FGF1: variants seen among roughly 807,000 people sequenced by gnomAD.
FGF1 encodes the protein fibroblast growth factor 1, also known as beta-endothelial cell growth factor.
FGF1 carries 9 observed loss-of-function variants against 13.4 expected under a neutral mutation model. The observed-to-expected ratio is 0.67, with a 90% CI of 0.40 to 1.17. FGF1 has a LOEUF of 1.17. FGF1 is among the 50% of genes most tolerant of loss of function. FGF1 has a pLI of 0.01. For synonymous variants in FGF1, 93 were observed against 79.0 expected (o/e 1.18, Z -0.94); for missense variants, 156 against 192.7 (o/e 0.81, Z 1.13).
chr5:142,616,433 ATTAATTCTT>A (rs1255134073), intron 1 of FGF1, among the ~76,000 whole-genome samples: 8 of 152,246 alleles, frequency 5.3e-5, no homozygotes, highest in Admixed American at 2.0e-4. Context: ...TGAAACTTCG[ATTAATTCTT>A]TTCACATAAT....
chr5:142,620,889 A>G (rs528878237), intron 1 of FGF1, among the ~76,000 whole-genome samples: 2 of 152,332 alleles, frequency 1.3e-5, no homozygotes, highest in African/African-American at 4.8e-5. Context: ...CATTCAGACT[A>G]TTCTTTGGGC....
At chr5:142,642,436 T>C (rs1045598065) in intron 1 of FGF1, among the ~76,000 whole-genome samples, 2 of 152,234 alleles carry the variant, frequency 1.3e-5, no homozygotes, top group Non-Finnish European at 2.9e-5. Flanking sequence ...GCCAGCAACT[T>C]TGTTTGCATC....
chr5:142,688,835 A>G (rs1751687268), upstream of FGF1, among the ~76,000 whole-genome samples: 1 of 152,232 alleles, frequency 6.6e-6, no homozygotes, highest in Non-Finnish European at 1.5e-5. Flanking sequence ...CTCAATGCAG[A>G]GCACTTAGGC....
Position 142,593,235 on chromosome 5 carries a change from T to C in FGF1, c.*2055A>G, listed in dbSNP as rs1465257412. 6.6e-6 allele frequency: 1 copy of C among 152,222 alleles called. No homozygotes were observed. The highest frequency in any genetic ancestry group is 1.5e-5 in the Non-Finnish European group (1 of 68,042). 9.4% of individuals were successfully genotyped at this position (152,222 alleles called of 1,614,324 possible). On this transcript the variant is annotated 3_prime_UTR_variant, in exon 4 of 4. Transcript: ENST00000337706. The stretch of plus-strand genomic sequence containing the variant: ...ATCTTAGATTTCCTCTCTGGGTATC[T>C]TTTTCTGGCCAAATCTTCATACTAA...
At chr5:142,673,090 T>C (rs1349452157) in intron 1 of FGF1, among the ~76,000 whole-genome samples, 1 of 152,248 alleles carries the variant, frequency 6.6e-6, no homozygotes, top group Non-Finnish European at 1.5e-5. Flanking sequence ...GTGGTACTGT[T>C]GTTTTCCATC....
intron 1 of FGF1, among the ~76,000 whole-genome samples, chr5:142,623,150 T>TAA (rs2151905437): frequency 1.3e-5 from 2 of 152,350 alleles, no homozygotes; most frequent in African/African-American, 4.8e-5. Context: ...AGCATACTGC[T>TAA]AAACTTGGGT....
chr5:142,674,182 T>A (rs924328615), intron 1 of FGF1, among the ~76,000 whole-genome samples: 2 of 152,240 alleles, frequency 1.3e-5, no homozygotes, highest in Admixed American at 6.5e-5. Context: ...CCTTGTTTGT[T>A]CTCTTTGGAG....
Position 142,645,848 on chromosome 5 carries a change from C to T in FGF1, c.-34-31687G>A, listed in dbSNP as rs192863578. 1.7e-4 allele frequency among the ~76,000 whole-genome samples: 26 copies of T among 152,304 alleles called. No homozygotes were observed. In the East Asian group the frequency reaches 4.8e-3, roughly 28 times the overall value. ...CTGAGCTCAGGCCACAGCCCAACCT[C>T]CCTCCACAGTCACTGCTCATTTCTA... On this transcript the variant is annotated intron_variant, in intron 1 of 3. Transcript: ENST00000337706.
intron 2 of FGF1, among the ~76,000 whole-genome samples, chr5:142,609,204 G>T (rs149819446): frequency 6.6e-6 from 1 of 152,136 alleles, no homozygotes; most frequent in South Asian, 2.1e-4. Flanking sequence ...CTCTGCTAGC[G>T]CCTTTAGGAT....
intron 1 of FGF1, among the ~76,000 whole-genome samples, chr5:142,653,535 C>T (rs142263577): frequency 4.6e-5 from 7 of 152,280 alleles, no homozygotes; most frequent in East Asian, 1.9e-4. Flanking sequence ...GGATACGTCA[C>T]GTGCCTTCCT....
At chr5:142,620,144 G>A (rs152538) in intron 1 of FGF1, among the ~76,000 whole-genome samples, 48,312 of 151,958 alleles carry the variant, frequency 0.32, 7,791 homozygotes, top group East Asian at 0.38. Context: ...TCGGCTGGGC[G>A]CGGTGGCTCA....
intron 1 of FGF1, among the ~76,000 whole-genome samples, chr5:142,648,039 C>G (rs186676462): frequency 6.6e-6 from 1 of 152,230 alleles, no homozygotes; most frequent in Admixed American, 6.5e-5. Context: ...GAGCCTAGAT[C>G]GTGCCACTGC....
chr5:142,640,048 A>C (rs1764913052), intron 1 of FGF1, among the ~76,000 whole-genome samples: 1 of 151,956 alleles, frequency 6.6e-6, no homozygotes, highest in Non-Finnish European at 1.5e-5. Flanking sequence ...TACTGAACCC[A>C]AGTATGAGTA....
intron 1 of FGF1, among the ~76,000 whole-genome samples, chr5:142,664,506 C>G (rs2152008557): frequency 6.6e-6 from 1 of 152,314 alleles, no homozygotes; most frequent in Admixed American, 6.5e-5. Flanking sequence ...TTTTATCAAG[C>G]CTCAGATGCA....
intron 1 of FGF1, among the ~76,000 whole-genome samples, chr5:142,649,935 A>G (rs142951163): frequency 6.6e-6 from 1 of 152,248 alleles, no homozygotes; most frequent in Non-Finnish European, 1.5e-5. Context: ...TCAGAATTAC[A>G]TGAGACATTT....
intron 1 of FGF1, among the ~76,000 whole-genome samples, chr5:142,614,582 G>A (rs1759807450): frequency 6.6e-6 from 1 of 152,192 alleles, no homozygotes; most frequent in African/African-American, 2.4e-5. Flanking sequence ...CCAAGGTTCT[G>A]CCCTCCACCC....
At chr5:142,657,715 TTCTCTGCTGGA>T (rs1438939870) in intron 1 of FGF1, among the ~76,000 whole-genome samples, 1 of 152,194 alleles carries the variant, frequency 6.6e-6, no homozygotes, top group Non-Finnish European at 1.5e-5. Context: ...CTCTACCACA[TTCTCTGCTGGA>T]CTCTCAGCCC....
chr5:142,672,926 TTC>T (rs2152031882), intron 1 of FGF1, among the ~76,000 whole-genome samples: 1 of 152,342 alleles, frequency 6.6e-6, no homozygotes, highest in Admixed American at 6.5e-5. Flanking sequence ...TTCACATCAC[TTC>T]TCTCTAAGCT....
At chr5:142,626,830 C>T (rs1378423460) in intron 1 of FGF1, 1 of 152,276 alleles carries the variant, frequency 6.6e-6, no homozygotes, top group Non-Finnish European at 1.5e-5. Flanking sequence ...GAGACTCCTT[C>T]AGACTGTGTT....
Sources: allele counts gnomAD v4.1 joint callset (sites outside exome capture counted in the v4.1 genomes callset), GRCh38; gene constraint gnomAD v4.1.1; transcripts MANE v1.5; gene names NCBI Gene and HGNC (gene_info 2026-07-23, HGNC 2026-07-21).